CAST: variants seen among roughly 807,000 people sequenced by gnomAD.
CAST encodes MIR583 host.
Under a neutral mutation model 119.6 loss-of-function variants are expected in CAST, and 76 were observed. The ratio of observed to expected loss-of-function variants is 0.64; its 90% CI spans 0.53 to 0.77. The LOEUF (loss-of-function observed/expected upper bound fraction) is 0.77, where lower values mean the gene tolerates loss of function less well. Ranked by LOEUF, CAST falls within the 30% of genes least tolerant of loss-of-function variation. The pLI is 0.00. For synonymous variants in CAST, 319 were observed against 331.6 expected (o/e 0.96, Z 0.41); for missense variants, 953 against 946.5 (o/e 1.01, Z -0.09).
chr5:96,106,185 G>A, the CAST span, among the ~76,000 whole-genome samples: 7 of 151,990 alleles, frequency 4.6e-5, no homozygotes, highest in African/African-American at 1.7e-4. Context: ...CAAAAAACTA[G>A]CTCCTGGATT....
the CAST span, among the ~76,000 whole-genome samples, chr5:96,306,094 G>A: frequency 6.6e-6 from 1 of 152,158 alleles, no homozygotes; most frequent in African/African-American, 2.4e-5. Flanking sequence ...TTTTTGGTTG[G>A]TGGGCTATTA....
the CAST span, among the ~76,000 whole-genome samples, chr5:96,441,589 T>G: frequency 6.6e-6 from 1 of 152,094 alleles, no homozygotes; most frequent in African/African-American, 2.4e-5. Context: ...GACTAGAAAG[T>G]TGCCCTCTCT....
At chr5:96,716,813 C>G (rs1757269253) in intron 3 of CAST, among the ~76,000 whole-genome samples, 1 of 152,004 alleles carries the variant, frequency 6.6e-6, no homozygotes, top group Non-Finnish European at 1.5e-5. Flanking sequence ...TTGCGGTTTG[C>G]CTAAATTGCT....
the CAST span, among the ~76,000 whole-genome samples, chr5:96,190,868 C>G: frequency 6.6e-6 from 1 of 152,222 alleles, no homozygotes; most frequent in Admixed American, 6.5e-5. Flanking sequence ...GTTTTTCAAC[C>G]CTTGTCCCTT....
the CAST span, among the ~76,000 whole-genome samples, chr5:96,394,312 G>A: frequency 2.0e-4 from 30 of 152,310 alleles, no homozygotes; most frequent in Admixed American, 7.8e-4. Context: ...GAATGTGAAC[G>A]ACTTATTTTA....
the CAST span, among the ~76,000 whole-genome samples, chr5:96,263,794 C>G: frequency 9.2e-3 from 1,406 of 152,158 alleles, 27 homozygotes; most frequent in African/African-American, 0.033. Context: ...AGGAAACTTA[C>G]AATCATGGTG....
At chr5:96,588,176 TTTTCTTTC>T (rs1256135385) in intron 1 of CAST, among the ~76,000 whole-genome samples, 2 of 143,592 alleles carry the variant, frequency 1.4e-5, no homozygotes, top group Non-Finnish European at 3.0e-5. Flanking sequence ...TCATATATTA[TTTTCTTTC>T]TTTCTTTCTT....
chr5:96,130,933 T>G, the CAST span, among the ~76,000 whole-genome samples: 1 of 152,148 alleles, frequency 6.6e-6, no homozygotes, highest in Admixed American at 6.6e-5. Context: ...TTGAGTGAAG[T>G]GTGATTGCTA....
the CAST span, among the ~76,000 whole-genome samples, chr5:96,305,588 G>A: frequency 2.6e-5 from 4 of 152,110 alleles, no homozygotes; most frequent in Non-Finnish European, 5.9e-5. Flanking sequence ...TTGGCTCTGG[G>A]TTTGTTGTAA....
intron 18 of CAST, 124 bp downstream of exon 18, chr5:96,747,516 G>C: frequency 1.7e-6 from 1 of 578,280 alleles, no homozygotes; most frequent in Non-Finnish European, 3.1e-6. Context: ...ACAGAGGAAA[G>C]GGGAACTTCT....
the CAST span, among the ~76,000 whole-genome samples, chr5:96,199,881 C>A: frequency 7.9e-5 from 12 of 152,218 alleles, no homozygotes; most frequent in East Asian, 2.3e-3. Context: ...GTACAGTTTA[C>A]TATTCCAGCT....
At chr5:96,155,348 C>G in the CAST span, among the ~76,000 whole-genome samples, 1 of 152,182 alleles carries the variant, frequency 6.6e-6, no homozygotes, top group African/African-American at 2.4e-5. Flanking sequence ...ATGGCTTGGC[C>G]AGACATTCCT....
At chr5:96,004,459 C>A in the CAST span, among the ~76,000 whole-genome samples, 1 of 152,114 alleles carries the variant, frequency 6.6e-6, no homozygotes, top group Admixed American at 6.5e-5. Context: ...GACAACATGA[C>A]AAAATAACAT....
the CAST span, among the ~76,000 whole-genome samples, chr5:96,228,613 C>T: frequency 7.2e-5 from 11 of 152,152 alleles, no homozygotes; most frequent in Non-Finnish European, 8.8e-5. Flanking sequence ...TATAGCCTGT[C>T]TTTGCGTGAA....
At chr5:96,187,787 C>T in the CAST span, among the ~76,000 whole-genome samples, 26 of 152,150 alleles carry the variant, frequency 1.7e-4, no homozygotes, top group Non-Finnish European at 3.2e-4. Flanking sequence ...AAAACAGCTA[C>T]GTAAATGTTA....
the CAST span, among the ~76,000 whole-genome samples, chr5:96,221,235 C>T: frequency 6.6e-6 from 1 of 152,070 alleles, no homozygotes; most frequent in Non-Finnish European, 1.5e-5. Flanking sequence ...CTTACCACTC[C>T]TATTCAACAT....
At position 96,542,901 on chromosome 5, in the gene CAST, A is replaced by T. The variant is rs1745939692; in HGVS notation, c.60+13021A>T. ...AGTCAGGAAACAGATGCTGGAGAGG[A>T]TGTGGAGAAATAGGAACACTTTTAC... On this transcript the variant is annotated intron_variant, in intron 1 of 11. Coordinates refer to the CAST transcript ENST00000505143. Among the ~76,000 whole-genome samples, 3 of 152,248 alleles carry T rather than the reference A, an allele frequency of 2.0e-5. 1 individual carries two copies. Among genetic ancestry groups the T allele is most frequent in the African/African-American group, 7.2e-5 (3 of 41,464 alleles).
At chr5:96,597,736 C>T (rs889221153) in intron 1 of CAST, among the ~76,000 whole-genome samples, 2 of 152,132 alleles carry the variant, frequency 1.3e-5, no homozygotes, top group East Asian at 1.9e-4. Context: ...AAATAATTAT[C>T]GTGTCTCCTC....
At chr5:96,476,536 T>C in the CAST span, among the ~76,000 whole-genome samples, 2 of 152,186 alleles carry the variant, frequency 1.3e-5, no homozygotes, top group Non-Finnish European at 2.9e-5. Context: ...CATCACTCTT[T>C]GACTCGGCCT....
Sources: gnomAD v4.1 joint callset for allele counts (sites outside exome capture counted in the v4.1 genomes callset) on GRCh38, gnomAD v4.1.1 for gene constraint, MANE v1.5 for transcripts, NCBI Gene and HGNC (gene_info 2026-07-23, HGNC 2026-07-21) for gene names.